The following STX18 variants were observed in gnomAD, a reference collection of about 807,000 sequenced individuals.
STX18 encodes the protein syntaxin-18.
Under a neutral mutation model 50.1 loss-of-function variants are expected in STX18, and 40 were observed. The observed-to-expected ratio is 0.80, with a 90% CI of 0.62 to 1.04. The LOEUF (loss-of-function observed/expected upper bound fraction) is 1.04, where lower values mean the gene tolerates loss of function less well. Among genes scored for constraint, STX18 ranks in the 50% least tolerant of loss-of-function variants. The pLI is 0.00. For missense variants in STX18, 410 were observed against 415.8 expected, an observed-to-expected ratio of 0.99 and a Z score of 0.12; for synonymous variants, 158 against 151.8, an observed-to-expected ratio of 1.04 and a Z score of -0.30.
At chr4:4,532,337 T>C (rs906790954) in intron 1 of STX18, among the ~76,000 whole-genome samples, 7 of 152,178 alleles carry the variant, frequency 4.6e-5, no homozygotes, top group Non-Finnish European at 1.0e-4. Flanking sequence ...GATTTTAAAA[T>C]AGTCAACTTC....
chr4:4,445,242 A>C (rs1250999779), intron 5 of STX18, among the ~76,000 whole-genome samples: 1 of 152,086 alleles, frequency 6.6e-6, no homozygotes, highest in African/African-American at 2.4e-5. Flanking sequence ...CCTTATCTCT[A>C]CTAAAATACA....
At chr4:4,506,112 T>C (rs1213225545) in intron 1 of STX18, among the ~76,000 whole-genome samples, 2 of 152,252 alleles carry the variant, frequency 1.3e-5, no homozygotes, top group Non-Finnish European at 2.9e-5. Flanking sequence ...TTATGAATGA[T>C]GCCGCTATGA....
At chr4:4,528,292 G>A (rs1041755629) in intron 1 of STX18, among the ~76,000 whole-genome samples, 10 of 152,074 alleles carry the variant, frequency 6.6e-5, no homozygotes, top group African/African-American at 2.4e-4. Context: ...TTGGAGGGGG[G>A]GCCTGCTGGG....
chr4:4,523,402 T>C (rs10937874), intron 1 of STX18, among the ~76,000 whole-genome samples: 58,305 of 151,996 alleles, frequency 0.38, 11,203 homozygotes, highest in South Asian at 0.47. Flanking sequence ...CTGATGTCTT[T>C]TCCAGTCTAA....
rs140485126 is a variant in STX18 at position 4,491,227 on chromosome 4, G to A, written c.169-19521C>T. ...CAGGCATGTTTTAAACTACGAGCAC[G>A]TCTAGCCTCAACAGCATTCATCCAT... is the stretch of plus-strand genomic sequence containing the variant. On this transcript the variant is annotated intron_variant, in intron 1 of 10. Transcript: ENST00000306200. 7.9e-5 allele frequency among the ~76,000 whole-genome samples: 12 copies of A among 151,980 alleles called. 1 individual carries two copies. The East Asian group carries it at 2.3e-3, about 29-fold the overall frequency.
At chr4:4,463,179 G>A (rs557962527) in intron 2 of STX18, among the ~76,000 whole-genome samples, 1 of 152,310 alleles carries the variant, frequency 6.6e-6, no homozygotes, top group African/African-American at 2.4e-5. Context: ...AAGGGCCAGA[G>A]AGTAAACATG....
In STX18 at chr4:4,542,008, G is replaced by C. The variant is rs1015969503; in HGVS notation, c.-44C>G. 17 of 1,513,100 alleles carry C rather than the reference G, an allele frequency of 1.1e-5. No homozygotes were observed. Among genetic ancestry groups the C allele is most frequent in the Admixed American group, 2.1e-5 (1 of 48,778 alleles). The allele number at this position is 1,513,100 out of a possible 1,614,324, so 93.7% of individuals were successfully genotyped here. On this transcript the variant is annotated 5_prime_UTR_variant, in exon 1 of 11. Transcript: ENST00000306200. ...CCCCACACTAGGCCCGCCCACGTAA[G>C]CAGCCGGCGACCGCGGCGCGAACCC...
intron 1 of STX18, among the ~76,000 whole-genome samples, chr4:4,493,801 T>C (rs149430276): frequency 6.6e-6 from 1 of 152,362 alleles, no homozygotes; most frequent in East Asian, 1.9e-4. Context: ...GGTGTTCTAC[T>C]AGAAATGTAG....
intron 7 of STX18, among the ~76,000 whole-genome samples, chr4:4,427,766 C>T (rs1006956631): frequency 2.0e-5 from 3 of 152,208 alleles, no homozygotes; most frequent in Non-Finnish European, 4.4e-5. Context: ...TAGGCCTCTT[C>T]GTAATTGTTA....
intron 5 of STX18, among the ~76,000 whole-genome samples, chr4:4,445,273 G>A (rs1019199399): frequency 2.6e-5 from 4 of 152,120 alleles, no homozygotes; most frequent in Middle Eastern, 3.2e-3. Context: ...GGGCATGGTG[G>A]TGGGCGCCTG....
chr4:4,464,103 C>T (rs1224823771), intron 2 of STX18, among the ~76,000 whole-genome samples: 3 of 152,182 alleles, frequency 2.0e-5, no homozygotes, highest in African/African-American at 2.4e-5. Flanking sequence ...AACCACCCCT[C>T]GTTTTATAAA....
chr4:4,438,599 T>A, intron 5 of STX18, 90 bp from the exon 6 acceptor site: 1 of 1,055,496 alleles, frequency 9.5e-7, no homozygotes, highest in Non-Finnish European at 1.4e-6. Flanking sequence ...ACCCTGCGCT[T>A]TTGCTCTGTG....
intron 6 of STX18, 42 bp from the exon 7 acceptor site, chr4:4,434,900 T>C: frequency 7.0e-7 from 1 of 1,423,248 alleles, no homozygotes; most frequent in Non-Finnish European, 9.8e-7. Context: ...AAATATGTGT[T>C]TTAGAATAGG....
chr4:4,419,839 G>A lies in STX18; in HGVS notation c.*195C>T, dbSNP rs544837585. 14 of 531,032 alleles carry A rather than the reference G, an allele frequency of 2.6e-5. No homozygotes were observed. The South Asian group carries it at 2.8e-4, about 10-fold the overall frequency. The allele number at this position is 531,032 out of a possible 1,614,324, so 32.9% of individuals were successfully genotyped here. ...TTGGTGTGCACTGTTTCCTTTTTCAGCTGCTAAATGGCTGAACACCATCGG... is the reference window on the plus strand; with the variant it reads ...TTGGTGTGCACTGTTTCCTTTTTCAACTGCTAAATGGCTGAACACCATCGG... On this transcript the variant is annotated 3_prime_UTR_variant, in exon 11 of 11. Transcript: ENST00000306200.
intron 1 of STX18, among the ~76,000 whole-genome samples, chr4:4,536,769 A>G (rs1577413593): frequency 6.6e-6 from 1 of 152,220 alleles, no homozygotes; most frequent in African/African-American, 2.4e-5. Context: ...AAATAAGTAA[A>G]TAAAAAACGA....
chr4:4,483,549 C>T (rs1437024656), intron 1 of STX18, among the ~76,000 whole-genome samples: 1 of 152,216 alleles, frequency 6.6e-6, no homozygotes. Flanking sequence ...TTACTGAACA[C>T]ATTCCCACTA....
chr4:4,469,862 G>C (rs1727824425), intron 2 of STX18, among the ~76,000 whole-genome samples: 1 of 152,132 alleles, frequency 6.6e-6, no homozygotes. Context: ...GAAACTGAGA[G>C]ACCCTATTAG....
chr4:4,476,200 T>G (rs1472415465), intron 1 of STX18: 1 of 152,212 alleles, frequency 6.6e-6, no homozygotes, highest in Non-Finnish European at 1.5e-5. Context: ...ACCGCCATAT[T>G]AAATATGTCT....
upstream of STX18, chr4:4,542,083 G>C: frequency 1.6e-6 from 2 of 1,242,550 alleles, no homozygotes; most frequent in Non-Finnish European, 2.1e-6. Flanking sequence ...CGGCAACGGC[G>C]ACGCGAGAAG....
Sources: allele counts gnomAD v4.1 joint callset (sites outside exome capture counted in the v4.1 genomes callset), GRCh38; gene constraint gnomAD v4.1.1; transcripts MANE v1.5; gene names NCBI Gene and HGNC (gene_info 2026-07-23, HGNC 2026-07-21).